The following BBS9 variants were observed in gnomAD, a reference collection of about 807,000 sequenced individuals.
BBS9 encodes the protein Bardet-Biedl syndrome 9, also known as protein PTHB1.
A neutral mutation model predicts 117.7 loss-of-function variants in BBS9; 89 were observed. The ratio of observed to expected loss-of-function variants is 0.76; its 90% CI spans 0.64 to 0.90. BBS9 has a LOEUF of 0.90. Among genes scored for constraint, BBS9 ranks in the 40% least tolerant of loss-of-function variants. The probability of loss-of-function intolerance (pLI) is 0.00; values close to 1 mark genes in which losing one functional copy is unlikely to be tolerated. For missense variants in BBS9, 982 were observed against 1,042.2 expected (o/e 0.94, Z 0.80); for synonymous variants, 379 against 370.9 (o/e 1.02, Z -0.25).
chr7:33,155,013 A>T (rs1431431957), intron 3 of BBS9, among the ~76,000 whole-genome samples: 1 of 152,202 alleles, frequency 6.6e-6, no homozygotes, highest in Non-Finnish European at 1.5e-5. Flanking sequence ...TAGGATCTCT[A>T]GACTGTGCCA....
chr7:33,511,291 G>A (rs2129025737), intron 20 of BBS9, among the ~76,000 whole-genome samples: 1 of 152,106 alleles, frequency 6.6e-6, no homozygotes, highest in East Asian at 1.9e-4. Flanking sequence ...TCTTCATCCA[G>A]CTTATGGCAA....
At chr7:33,316,444 T>C (rs1810526300) in intron 9 of BBS9, among the ~76,000 whole-genome samples, 1 of 152,192 alleles carries the variant, frequency 6.6e-6, no homozygotes, top group Non-Finnish European at 1.5e-5. Flanking sequence ...AAAGGGTTGT[T>C]ATATATTTAT....
intron 9 of BBS9, among the ~76,000 whole-genome samples, chr7:33,328,904 T>C (rs1240813884): frequency 6.6e-6 from 1 of 152,004 alleles, no homozygotes; most frequent in Non-Finnish European, 1.5e-5. Context: ...CCCACAAATA[T>C]TTAATTTTTA....
intron 19 of BBS9, among the ~76,000 whole-genome samples, chr7:33,432,538 A>T (rs1834669977): frequency 6.6e-6 from 1 of 152,138 alleles, no homozygotes; most frequent in Non-Finnish European, 1.5e-5. Context: ...AGCTAATATC[A>T]TCCAATTTAA....
chr7:33,582,435 A>G (rs1047762109), intron 21 of BBS9, among the ~76,000 whole-genome samples: 2 of 152,032 alleles, frequency 1.3e-5, no homozygotes, highest in Non-Finnish European at 2.9e-5. Flanking sequence ...GTCTACTCCA[A>G]AAAGCTAAAC....
intron 21 of BBS9, among the ~76,000 whole-genome samples, chr7:33,553,878 G>A (rs1036793344): frequency 9.9e-5 from 15 of 152,138 alleles, no homozygotes; most frequent in South Asian, 8.3e-4. Context: ...GGGATGAGCC[G>A]GATAATAAAC....
chr7:33,511,598 C>G (rs997852928), intron 20 of BBS9, among the ~76,000 whole-genome samples: 1 of 152,150 alleles, frequency 6.6e-6, no homozygotes, highest in Non-Finnish European at 1.5e-5. Context: ...GTTACCTTCC[C>G]TAGTACTGAA....
At chr7:33,604,762 T>C in intron 21 of BBS9, 103 bp from the exon 22 acceptor site, 1 of 823,280 alleles carries the variant, frequency 1.2e-6, no homozygotes, top group South Asian at 1.5e-5. Context: ...TGTCACGTCA[T>C]TTATTATCTT....
chr7:33,329,289 G>A (rs140558150), intron 9 of BBS9, among the ~76,000 whole-genome samples: 16,728 of 152,092 alleles, frequency 0.11, 1,071 homozygotes, highest in Non-Finnish European at 0.14. Flanking sequence ...CCAAAGTGCT[G>A]GGATTACAGG....
chr7:33,330,866 T>C (rs992955897), intron 9 of BBS9, among the ~76,000 whole-genome samples: 2 of 152,220 alleles, frequency 1.3e-5, no homozygotes, highest in African/African-American at 4.8e-5. Flanking sequence ...TTTGTCAATG[T>C]TAATGATGCT....
intron 5 of BBS9, among the ~76,000 whole-genome samples, chr7:33,187,672 C>A (rs1457172407): frequency 2.0e-5 from 3 of 152,206 alleles, no homozygotes; most frequent in Admixed American, 6.5e-5. Flanking sequence ...GTAATCCCAG[C>A]ACTTTGGGAG....
intron 19 of BBS9, among the ~76,000 whole-genome samples, chr7:33,397,829 CAG>C (rs1828248369): frequency 6.6e-6 from 1 of 151,898 alleles, no homozygotes; most frequent in African/African-American, 2.4e-5. Flanking sequence ...GGAGTGGGGT[CAG>C]GGGAGGGAGA....
chr7:33,224,808 A>G (rs1790936576), intron 5 of BBS9, among the ~76,000 whole-genome samples: 1 of 152,188 alleles, frequency 6.6e-6, no homozygotes. Context: ...GTACAACTTT[A>G]CAGCTAGTGT....
chr7:33,271,482 C>T (rs1799786753), intron 7 of BBS9, among the ~76,000 whole-genome samples: 1 of 152,168 alleles, frequency 6.6e-6, no homozygotes, highest in Non-Finnish European at 1.5e-5. Context: ...ATCTCACATG[C>T]TGTACACCTG....
chr7:33,207,536 CT>C lies in BBS9; in HGVS notation c.442+29959del, dbSNP rs780030568. 3.7e-3 allele frequency among the ~76,000 whole-genome samples: 514 copies of C among 140,752 alleles called. 1 individual carries two copies. Among genetic ancestry groups the C allele is most frequent in the Non-Finnish European group, 4.2e-3 (273 of 64,356 alleles). The allele number at this position is 140,752 out of a possible 152,430, so 92.3% of individuals were successfully genotyped here. On this transcript the variant is annotated intron_variant, in intron 5 of 22. Coordinates refer to ENST00000242067, the MANE Select transcript of BBS9 (RefSeq NM_198428.3). ...CTCCTGTGTCCTTGTGACATGTCTT[CT>C]TTTTTTTTTTTTTGTTAGCATTTCT...
intron 21 of BBS9, among the ~76,000 whole-genome samples, chr7:33,561,911 A>G (rs534206018): frequency 1.4e-4 from 21 of 152,340 alleles, no homozygotes; most frequent in South Asian, 6.2e-4. Flanking sequence ...TTATTGATTC[A>G]AAGATATTAC....
chr7:33,592,709 A>G (rs1030564974), intron 21 of BBS9, among the ~76,000 whole-genome samples: 1 of 152,108 alleles, frequency 6.6e-6, no homozygotes, highest in Admixed American at 6.6e-5. Context: ...CTCTGTCATT[A>G]TTAAAAACAA....
At chr7:33,319,750 C>T (rs1811293949) in intron 9 of BBS9, among the ~76,000 whole-genome samples, 1 of 152,112 alleles carries the variant, frequency 6.6e-6, no homozygotes, top group Admixed American at 6.6e-5. Context: ...GCAAAAGGAA[C>T]AGTCAGCAGA....
intron 15 of BBS9, among the ~76,000 whole-genome samples, chr7:33,356,687 A>G (rs1185454996): frequency 6.6e-6 from 1 of 151,860 alleles, no homozygotes; most frequent in East Asian, 1.9e-4. Context: ...GTAGTACTGG[A>G]AAGTGTACTC....
Sources: allele counts gnomAD v4.1 joint callset (sites outside exome capture counted in the v4.1 genomes callset), GRCh38; gene constraint gnomAD v4.1.1; transcripts MANE v1.5; gene names NCBI Gene and HGNC (gene_info 2026-07-23, HGNC 2026-07-21).